Variants in XPR1 observed in about 807,000 individuals in gnomAD.
XPR1 encodes solute carrier family 53 member 1.
In XPR1, 28 loss-of-function variants were observed where a neutral mutation model predicts 87.5. That is an observed-to-expected ratio of 0.32 (90% CI 0.24 to 0.44). XPR1 has a LOEUF of 0.44. XPR1 is among the 20% of genes least tolerant of loss of function. XPR1 has a pLI of 1.00. For synonymous variants in XPR1, 300 were observed against 306.1 expected, an observed-to-expected ratio of 0.98 and a Z score of 0.21; for missense variants, 559 against 862.3, an observed-to-expected ratio of 0.65 and a Z score of 4.41.
chr1:180,683,607 C>G (rs1041595482), intron 2 of XPR1, among the ~76,000 whole-genome samples: 1 of 152,170 alleles, frequency 6.6e-6, no homozygotes, highest in Non-Finnish European at 1.5e-5. Context: ...TCCTATTTCT[C>G]CACATCCTCT....
intron 7 of XPR1, among the ~76,000 whole-genome samples, chr1:180,823,164 G>A (rs1488442645): frequency 4.0e-5 from 6 of 151,746 alleles, no homozygotes; most frequent in Non-Finnish European, 7.4e-5. Context: ...TCGCTTGAAC[G>A]CGGGAGGCAG....
At chr1:180,745,880 G>T (rs1314747525) in intron 2 of XPR1, among the ~76,000 whole-genome samples, 1 of 152,184 alleles carries the variant, frequency 6.6e-6, no homozygotes, top group Non-Finnish European at 1.5e-5. Context: ...GAGACAGGTG[G>T]AATATACTTA....
chr1:180,648,552 G>A (rs1243179940), intron 1 of XPR1, among the ~76,000 whole-genome samples: 2 of 152,186 alleles, frequency 1.3e-5, no homozygotes, highest in Non-Finnish European at 2.9e-5. Flanking sequence ...TATTGCCCAG[G>A]CTGGAGTGCA....
Position 180,722,673 on chromosome 1 carries a change from TA to T in XPR1, c.121+40265del, listed in dbSNP as rs2101998854. ...TTTGAAAAATCTTGCCTAAGAAAAC[TA>T]AATGATCATCAAAACACTGGTCTTA... On this transcript the variant is annotated intron_variant, in intron 2 of 14. Coordinates refer to ENST00000367590, the MANE Select transcript of XPR1 (RefSeq NM_004736.4). 2.0e-5 allele frequency among the ~76,000 whole-genome samples: 3 copies of T among 152,332 alleles called. No individual in the cohort carries two copies. In the South Asian group the frequency reaches 6.2e-4, roughly 32 times the overall value.
chr1:180,641,465 A>T (rs1440038315), intron 1 of XPR1, among the ~76,000 whole-genome samples: 1 of 152,130 alleles, frequency 6.6e-6, no homozygotes, highest in Non-Finnish European at 1.5e-5. Context: ...ATCACTCTTA[A>T]CCTTTTTGTA....
chr1:180,719,351 G>T (rs748769571), intron 2 of XPR1, among the ~76,000 whole-genome samples: 12 of 152,190 alleles, frequency 7.9e-5, no homozygotes, highest in Non-Finnish European at 1.5e-4. Flanking sequence ...AGTATATTTA[G>T]AATTTTATTT....
chr1:180,768,132 C>T (rs1244924262), intron 2 of XPR1, among the ~76,000 whole-genome samples: 1 of 152,198 alleles, frequency 6.6e-6, no homozygotes, highest in Non-Finnish European at 1.5e-5. Context: ...GCATGAGCCA[C>T]CGTGCCCGGC....
chr1:180,702,454 T>C (rs970235352), intron 2 of XPR1, among the ~76,000 whole-genome samples: 5 of 151,962 alleles, frequency 3.3e-5, no homozygotes, highest in African/African-American at 1.2e-4. Flanking sequence ...CTATTAGGTC[T>C]GCTTGGTGCA....
At chr1:180,682,452 C>A in intron 2 of XPR1, 41 bp downstream of exon 2, 1 of 1,538,920 alleles carries the variant, frequency 6.5e-7, no homozygotes. Context: ...CAGAAAACCT[C>A]TTTTTAAGGA....
rs887283274 is a variant in XPR1 at position 180,884,502 on chromosome 1, G to T, written c.*436G>T. The T allele has an allele frequency of 1.3e-5, 2 of 153,306 alleles. No individual in the cohort carries two copies. Among genetic ancestry groups the T allele is most frequent in the African/African-American group, 4.8e-5 (2 of 41,452 alleles). 9.5% of individuals were successfully genotyped at this position (153,306 alleles called of 1,614,324 possible). ...GTTTTTAAATTTTTTGTCAGTTTAT[G>T]TGGAGAATTTTTTTCTTTCCTTCAT... On this transcript the variant is annotated 3_prime_UTR_variant, in exon 15 of 15. Coordinates refer to ENST00000367590, the MANE Select transcript of XPR1 (RefSeq NM_004736.4).
intron 1 of XPR1, among the ~76,000 whole-genome samples, chr1:180,646,728 A>G (rs566071254): frequency 6.6e-6 from 1 of 152,308 alleles, no homozygotes; most frequent in East Asian, 1.9e-4. Flanking sequence ...GCTTACCGAA[A>G]CTGTGACCGA....
At chr1:180,853,189 A>G (rs1375743172) in intron 11 of XPR1, among the ~76,000 whole-genome samples, 2 of 152,068 alleles carry the variant, frequency 1.3e-5, no homozygotes, top group African/African-American at 2.4e-5. Flanking sequence ...CGGCCTCCCA[A>G]ATTACTGGGA....
chr1:180,748,838 G>A (rs1437239266), intron 2 of XPR1, among the ~76,000 whole-genome samples: 2 of 152,306 alleles, frequency 1.3e-5, no homozygotes, highest in East Asian at 3.9e-4. Flanking sequence ...GTGGTAGTAT[G>A]TATATTACGG....
intron 11 of XPR1, among the ~76,000 whole-genome samples, chr1:180,839,289 A>G (rs1350144183): frequency 1.3e-5 from 2 of 152,236 alleles, no homozygotes; most frequent in Non-Finnish European, 2.9e-5. Context: ...GAACTGAATG[A>G]AAAAGGATTT....
At position 180,638,200 on chromosome 1, in the gene XPR1, T is replaced by C. The variant is rs1025187680; in HGVS notation, c.69+5930T>C. On this transcript the variant is annotated intron_variant, in intron 1 of 14. Coordinates refer to ENST00000367590, the MANE Select transcript of XPR1 (RefSeq NM_004736.4). ...CTGTTCATAAATGAAAGGTAGAAATTATTTCATCCTTGTGTCATCTTTTTA... is the reference window on the plus strand; with the variant it reads ...CTGTTCATAAATGAAAGGTAGAAATCATTTCATCCTTGTGTCATCTTTTTA... 2.6e-5 allele frequency among the ~76,000 whole-genome samples: 4 copies of C among 152,208 alleles called. No individual in the cohort carries two copies. In the East Asian group the frequency reaches 7.7e-4, roughly 29 times the overall value.
intron 2 of XPR1, among the ~76,000 whole-genome samples, chr1:180,779,900 A>G (rs930677596): frequency 6.6e-6 from 1 of 152,040 alleles, no homozygotes; most frequent in African/African-American, 2.4e-5. Flanking sequence ...TATTCTGGAC[A>G]TTTCATATAA....
chr1:180,695,208 C>CCATTCAAA (rs1307094667), intron 2 of XPR1, among the ~76,000 whole-genome samples: 16 of 152,116 alleles, frequency 1.1e-4, no homozygotes, highest in Non-Finnish European at 2.1e-4. Context: ...TGAGAAATGT[C>CCATTCAAA]CATTCAAATC....
chr1:180,679,510 G>A (rs1656490311), intron 1 of XPR1, among the ~76,000 whole-genome samples: 1 of 152,218 alleles, frequency 6.6e-6, no homozygotes, highest in East Asian at 1.9e-4. Flanking sequence ...AGGCCAATAT[G>A]GGCATCACCA....
At chr1:180,767,185 AAAG>A (rs1406618526) in intron 2 of XPR1, among the ~76,000 whole-genome samples, 1 of 152,230 alleles carries the variant, frequency 6.6e-6, no homozygotes, top group Non-Finnish European at 1.5e-5. Context: ...TTTCAGTAAG[AAAG>A]AAGTTTTTGT....
Sources: allele counts gnomAD v4.1 joint callset (sites outside exome capture counted in the v4.1 genomes callset), GRCh38; gene constraint gnomAD v4.1.1; transcripts MANE v1.5; gene names NCBI Gene and HGNC (gene_info 2026-07-23, HGNC 2026-07-21).